Variants in SLC26A4 observed in about 807,000 individuals in gnomAD.
The protein encoded by SLC26A4 is solute carrier family 26 member 4, also known as pendrin.
Under a neutral mutation model 90.4 loss-of-function variants are expected in SLC26A4, and 93 were observed. The ratio of observed to expected loss-of-function variants is 1.03; its 90% confidence interval spans 0.87 to 1.22. The LOEUF is 1.22. SLC26A4 is among the 50% of genes most tolerant of loss of function. SLC26A4 has a pLI of 0.00. For synonymous variants in SLC26A4, 393 were observed against 354.6 expected, an observed-to-expected ratio of 1.11 and a Z score of -1.22; for missense variants, 1,127 against 946.2, an observed-to-expected ratio of 1.19 and a Z score of -2.51.
At chr7:107,690,646 C>A (rs76847638) in intron 10 of SLC26A4, among the ~76,000 whole-genome samples, 2 of 152,096 alleles carry the variant, frequency 1.3e-5, no homozygotes, top group East Asian at 1.9e-4. Context: ...ATTCACATTT[C>A]CTTTAGAAGG....
chr7:107,684,322 T>C (rs1435870081), intron 8 of SLC26A4, among the ~76,000 whole-genome samples: 1 of 152,186 alleles, frequency 6.6e-6, no homozygotes, highest in Non-Finnish European at 1.5e-5. Context: ...TAGTTTTCCC[T>C]AAGACTGGAA....
chr7:107,688,910 T>C (rs1389588286), intron 8 of SLC26A4, 143 bp from the exon 9 acceptor site: 22 of 776,756 alleles, frequency 2.8e-5, no homozygotes, highest in Non-Finnish European at 4.4e-5. Flanking sequence ...TACTATCATG[T>C]ATGTATTTCG....
At chr7:107,694,503 A>G in intron 11 of SLC26A4, 23 bp downstream of exon 11, 1 of 1,586,560 alleles carries the variant, frequency 6.3e-7, no homozygotes. Flanking sequence ...TTCTCTGCAT[A>G]CCGATTGCAT....
chr7:107,695,646 T>C (rs151122742), intron 12 of SLC26A4, among the ~76,000 whole-genome samples: 1 of 152,112 alleles, frequency 6.6e-6, no homozygotes, highest in Non-Finnish European at 1.5e-5. Flanking sequence ...CTACTACAAA[T>C]AAAAGATTAA....
Position 107,680,003 on chromosome 7 carries a change from CTTA to C in SLC26A4, c.766-3194_766-3192del, listed in dbSNP as rs548834490. On this transcript the variant is annotated intron_variant, in intron 6 of 20. Transcript: ENST00000644269. Reference sequence around the variant, plus strand: ...ATCTTATTATATAATATAATCTTATCTTATTATATAATATAATCTTATTATATA... The same window carrying C: ...ATCTTATTATATAATATAATCTTATCTTATATAATATAATCTTATTATATA... 2.5e-4 allele frequency among the ~76,000 whole-genome samples: 32 copies of C among 129,726 alleles called. 1 individual carries two copies. The highest frequency in any genetic ancestry group is 3.9e-4 in the African/African-American group (13 of 33,526). The allele number at this position is 129,726 out of a possible 152,430, so 85.1% of individuals were successfully genotyped here. A position where few individuals can be genotyped will look rare whatever the true frequency, so the allele number is the denominator to read the frequency against.
rs1323443060 is a variant in SLC26A4, at chr7:107,700,221, A to G, written c.1707+46A>G. 4.3e-6 allele frequency: 4 copies of G among 940,344 alleles called. No homozygotes were observed. The African/African-American group carries it at 6.4e-5, about 15-fold the overall frequency. The allele number at this position is 940,344 out of a possible 1,614,324, so 58.3% of individuals were successfully genotyped here. A position where few individuals can be genotyped will look rare whatever the true frequency, so the allele number is the denominator to read the frequency against. On this transcript the variant is annotated intron_variant, in intron 15 of 20. Coordinates refer to ENST00000644269, the MANE Select transcript of SLC26A4 (RefSeq NM_000441.2). The stretch of plus-strand genomic sequence containing the variant: ...AATTTGTTTTCTAACCTCTTTTGAG[A>G]CTTCATTCATTCTACAAGTATTTAC...
At chr7:107,668,938 CA>C (rs1790789564) in intron 3 of SLC26A4, among the ~76,000 whole-genome samples, 1 of 152,152 alleles carries the variant, frequency 6.6e-6, no homozygotes, top group East Asian at 1.9e-4. Flanking sequence ...GAAATTCTAT[CA>C]TTTAAATCAA....
chr7:107,687,185 A>G (rs187550314), intron 8 of SLC26A4, among the ~76,000 whole-genome samples: 1 of 152,234 alleles, frequency 6.6e-6, no homozygotes, highest in Admixed American at 6.5e-5. Flanking sequence ...TGGGCTCTTC[A>G]TAGTGTTGTC....
At chr7:107,686,320 T>A (rs1162870473) in intron 8 of SLC26A4, among the ~76,000 whole-genome samples, 1 of 125,804 alleles carries the variant, frequency 7.9e-6, no homozygotes, top group Non-Finnish European at 1.7e-5. Flanking sequence ...CTCCCTTCCC[T>A]CCCTTTCCTA....
intron 10 of SLC26A4, chr7:107,693,442 C>T: frequency 3.0e-6 from 3 of 985,434 alleles, no homozygotes; most frequent in Non-Finnish European, 3.6e-6. Flanking sequence ...TCTCCCGTAA[C>T]TCAGACCTTT....
chr7:107,664,178 T>A (rs1055181863), intron 3 of SLC26A4, among the ~76,000 whole-genome samples: 1 of 152,258 alleles, frequency 6.6e-6, no homozygotes, highest in Non-Finnish European at 1.5e-5. Flanking sequence ...AAATGATGAT[T>A]GCAGCACATT....
intron 19 of SLC26A4, among the ~76,000 whole-genome samples, chr7:107,711,490 A>G (rs973441713): frequency 2.0e-5 from 3 of 152,026 alleles, no homozygotes; most frequent in Non-Finnish European, 4.4e-5. Context: ...AGTGGCTGGG[A>G]TGGATTTTTT....
Position 107,683,367 on chromosome 7 carries a change from T to C in SLC26A4, c.918+13T>C, listed in dbSNP as rs746210692. ...AGAAGTAATTGTGGTAAGTAGAATA[T>C]GTAGTTAGAAAGTTCAGCATTATTT... On this transcript the variant is annotated intron_variant, in intron 7 of 20. Transcript: ENST00000644269. The C allele has an allele frequency of 1.1e-5, 18 of 1,612,738 alleles. No individual in the cohort carries two copies. Among genetic ancestry groups the C allele is most frequent in the South Asian group, 3.3e-5 (3 of 91,068 alleles).
In SLC26A4 at chr7:107,701,167, A is replaced by G; in HGVS notation, c.1774A>G (p.Ile592Val). The stretch of plus-strand genomic sequence containing the variant: ...AGCGCTGAGGAAAATACAGAAACTA[A>G]TAAAAAGTGGACAATTAAGAGCAAC... The part of the protein sequence containing the change: ...LKALRKIQKL[I>V]KSGQLRATKN... The change falls in exon 16 of 21, where the codon ATA becomes GTA. Residue 592 changes from isoleucine to valine, a missense_variant. Physicochemically the swap from Ile to Val is conservative, Grantham distance 29 (BLOSUM62 3). Coordinates refer to ENST00000644269, the MANE Select transcript of SLC26A4 (RefSeq NM_000441.2). The G allele has an allele frequency of 6.2e-7, 1 of 1,608,444 alleles. No individual in the cohort carries two copies. The highest frequency in any genetic ancestry group is 8.5e-7 in the Non-Finnish European group (1 of 1,174,878).
rs765939287 is a variant in SLC26A4 at position 107,694,419 on chromosome 7, C to G, written c.1280C>G (p.Ser427Cys). ...GTCTTCCAGGTTGCTGGCATCATCTCTGCTGCGATTGTGATGATCGCCATT... is the reference window on the plus strand; with the variant it reads ...GTCTTCCAGGTTGCTGGCATCATCTGTGCTGCGATTGTGATGATCGCCATT... Reference protein sequence around the residue: ...GGKTQVAGIISAAIVMIAILA... With the variant: ...GGKTQVAGIICAAIVMIAILA... Residue 427 changes from serine to cysteine, a missense_variant, in exon 11 of 21, where the codon TCT (serine) becomes TGT (cysteine). Physicochemically the swap from Ser to Cys is moderately radical, Grantham distance 112. Transcript: ENST00000644269. 12 of 1,613,280 alleles carry G rather than the reference C, an allele frequency of 7.4e-6. No homozygotes were observed. Among genetic ancestry groups the G allele is most frequent in the Non-Finnish European group, 8.5e-6 (10 of 1,179,284 alleles).
intron 8 of SLC26A4, among the ~76,000 whole-genome samples, chr7:107,687,254 T>G (rs2129315462): frequency 6.6e-6 from 1 of 152,250 alleles, no homozygotes; most frequent in East Asian, 1.9e-4. Flanking sequence ...GCAAAAAATT[T>G]GGAGAGTTAT....
At chr7:107,665,034 G>A (rs759065936) in intron 3 of SLC26A4, among the ~76,000 whole-genome samples, 1 of 152,082 alleles carries the variant, frequency 6.6e-6, no homozygotes, top group Non-Finnish European at 1.5e-5. Flanking sequence ...TGGCAGGGGA[G>A]TGCAAATTAC....
intron 3 of SLC26A4, among the ~76,000 whole-genome samples, chr7:107,665,977 C>A (rs1790699791): frequency 6.6e-6 from 1 of 152,140 alleles, no homozygotes; most frequent in African/African-American, 2.4e-5. Context: ...GTTACACATC[C>A]ATTTATCATT....
At chr7:107,682,131 T>A (rs10273002) in intron 6 of SLC26A4, among the ~76,000 whole-genome samples, 60,904 of 97,384 alleles carry the variant, frequency 0.63, 16,700 homozygotes, top group Non-Finnish European at 0.65. Context: ...AAAAAAAAAA[T>A]TTTTTTTATG....
Sources: allele counts gnomAD v4.1 joint callset (sites outside exome capture counted in the v4.1 genomes callset), GRCh38; gene constraint gnomAD v4.1.1; transcripts MANE v1.5; gene names NCBI Gene and HGNC (gene_info 2026-07-23, HGNC 2026-07-21).